The following ELL2 variants were observed in gnomAD, a reference collection of about 807,000 sequenced individuals.
ELL2 encodes the protein RNA polymerase II elongation factor ELL2.
Under a neutral mutation model 72.8 loss-of-function variants are expected in ELL2, and 21 were observed. The observed-to-expected ratio is 0.29, with a 90% CI of 0.20 to 0.42. The LOEUF (loss-of-function observed/expected upper bound fraction) is 0.42, where lower values mean the gene tolerates loss of function less well. Among genes scored for constraint, ELL2 ranks in the 10% least tolerant of loss-of-function variants. The pLI is 1.00. For synonymous variants in ELL2, 266 were observed against 283.2 expected (o/e 0.94, Z 0.61); for missense variants, 568 against 772.8 (o/e 0.73, Z 3.14).
intron 1 of ELL2, among the ~76,000 whole-genome samples, chr5:95,953,030 C>T (rs1026304942): frequency 1.3e-5 from 2 of 152,286 alleles, no homozygotes; most frequent in Non-Finnish European, 2.9e-5. Context: ...AAGAGATGAC[C>T]ACCGGATTTT....
At chr5:95,923,656 G>A (rs1037445996) in intron 2 of ELL2, among the ~76,000 whole-genome samples, 2 of 152,006 alleles carry the variant, frequency 1.3e-5, no homozygotes, top group African/African-American at 2.4e-5. Flanking sequence ...CATCAATGCA[G>A]ATGGTATGGT....
rs183476455 is a variant in ELL2 at position 95,933,462 on chromosome 5, A to G, written c.195+9540T>C. Among the ~76,000 whole-genome samples, 15 of 152,344 alleles carry G rather than the reference A, an allele frequency of 9.8e-5. No homozygotes were observed. In the East Asian group the frequency reaches 2.9e-3, roughly 29 times the overall value. On this transcript the variant is annotated intron_variant, in intron 2 of 11. Coordinates refer to ENST00000237853, the MANE Select transcript of ELL2 (RefSeq NM_012081.6). ...ATTTAAAAGCAACTTTTATTATTTA[A>G]TAACATAGGAAAATGCTCATGATAC...
chr5:95,931,212 T>A (rs929240545), intron 2 of ELL2, among the ~76,000 whole-genome samples: 1 of 151,948 alleles, frequency 6.6e-6, no homozygotes, highest in African/African-American at 2.4e-5. Flanking sequence ...CTTGGGCAAA[T>A]AACCTCAGTA....
At chr5:95,934,284 GC>G (rs146957500) in intron 2 of ELL2, among the ~76,000 whole-genome samples, 5,737 of 152,118 alleles carry the variant, frequency 0.038, 179 homozygotes, top group Admixed American at 0.075. Flanking sequence ...ATAAAGAACT[GC>G]CCTTTTCCTA....
At chr5:95,910,683 C>A (rs138708957) in intron 4 of ELL2, among the ~76,000 whole-genome samples, 135 of 152,232 alleles carry the variant, frequency 8.9e-4, no homozygotes, top group African/African-American at 2.9e-3. Flanking sequence ...GCCTTCCTCC[C>A]TAGTCTAGCT....
chr5:95,918,832 AT>A (rs1386835317), intron 3 of ELL2, among the ~76,000 whole-genome samples: 2 of 151,564 alleles, frequency 1.3e-5, no homozygotes, highest in Non-Finnish European at 2.9e-5. Flanking sequence ...TAAGCGTCCC[AT>A]GGTACCCTAG....
At position 95,919,480 on chromosome 5, in the gene ELL2, A is replaced by G. The variant is rs1324454157; in HGVS notation, c.261T>C (p.Asn87=). 1 of 1,595,384 alleles carries G rather than the reference A, an allele frequency of 6.3e-7. No homozygotes were observed. The highest frequency in any genetic ancestry group is 8.5e-7 in the Non-Finnish European group (1 of 1,173,950). The change falls in exon 3 of 12, where the codon AAT becomes AAC. Residue 87 remains asparagine, a synonymous_variant. Coordinates refer to ENST00000237853, the MANE Select transcript of ELL2 (RefSeq NM_012081.6). ...TGCCCTGAGGGTTGTCTTTGCCCAC[A>G]TTTGACAAATAAAAGTTAAAGTTAT... is the stretch of plus-strand genomic sequence containing the variant. ...EVHNFNFYLS[N]VGKDNPQGSF...
At position 95,898,745 on chromosome 5, in the gene ELL2, C is replaced by T. The variant is rs1287606464; in HGVS notation, c.1020G>A (p.Leu340=). 47 of 1,574,816 alleles carry T rather than the reference C, an allele frequency of 3.0e-5. No individual in the cohort carries two copies. Among genetic ancestry groups the T allele is most frequent in the African/African-American group, 4.1e-5 (3 of 73,070 alleles). Residue 340 remains leucine (L), a synonymous_variant, in exon 8 of 12, where the codon CTG becomes CTA. Transcript: ENST00000237853. ...TTAGTGTTGGTGGTACTCTGTTCGT[C>T]AGGTGAGATATTCGGGCTTTTTTAT... ...LMNKKARISH[L]TNRVPPTLNG...
intron 2 of ELL2, among the ~76,000 whole-genome samples, chr5:95,927,452 CACACACACGTGTGTATATAGACAT>C (rs1561504428): frequency 2.3e-4 from 5 of 22,064 alleles, no homozygotes; most frequent in Admixed American, 7.0e-4. Context: ...TATAGACATA[CACACACACGTGTGTATATAGACAT>C]ACACACACGT....
At chr5:95,930,175 C>T (rs1464129896) in intron 2 of ELL2, among the ~76,000 whole-genome samples, 2 of 152,148 alleles carry the variant, frequency 1.3e-5, no homozygotes, top group African/African-American at 2.4e-5. Flanking sequence ...AAAGCCCAAA[C>T]CTGAATTCTA....
intron 1 of ELL2, among the ~76,000 whole-genome samples, chr5:95,952,129 A>G (rs1205030211): frequency 2.6e-5 from 4 of 152,316 alleles, no homozygotes; most frequent in African/African-American, 9.6e-5. Context: ...AGCAACGAAA[A>G]AGAATGAGAT....
intron 1 of ELL2, among the ~76,000 whole-genome samples, chr5:95,957,985 A>G (rs942954759): frequency 6.6e-6 from 1 of 152,202 alleles, no homozygotes; most frequent in Non-Finnish European, 1.5e-5. Flanking sequence ...TGGACAAAAA[A>G]AGAATTCTCT....
At chr5:95,948,239 G>A (rs1175757880) in intron 1 of ELL2, among the ~76,000 whole-genome samples, 1 of 151,798 alleles carries the variant, frequency 6.6e-6, no homozygotes, top group Admixed American at 6.6e-5. Context: ...AGACCATCCT[G>A]GCTAACATGG....
rs1445184936 is a variant in ELL2, at chr5:95,888,252, G to A, written c.*619C>T. The A allele has an allele frequency of 1.3e-5, 2 of 152,598 alleles. No individual in the cohort carries two copies. The highest frequency in any genetic ancestry group is 2.9e-5 in the Non-Finnish European group (2 of 68,068). The allele number at this position is 152,598 out of a possible 1,614,324, so 9.5% of individuals were successfully genotyped here. A position where few individuals can be genotyped will look rare whatever the true frequency, so the allele number is the denominator to read the frequency against. ...CACCTTAAGGCAACCATTGCAATGG[G>A]GGGTTAACTTGCAGGGCGGATTTAA... On this transcript the variant is annotated 3_prime_UTR_variant, in exon 12 of 12. Coordinates refer to ENST00000237853, the MANE Select transcript of ELL2 (RefSeq NM_012081.6).
At chr5:95,938,503 T>C (rs62364434) in intron 2 of ELL2, among the ~76,000 whole-genome samples, 2,403 of 152,314 alleles carry the variant, frequency 0.016, 20 homozygotes, top group Non-Finnish European at 0.021. Flanking sequence ...TCAGGAGTAT[T>C]GCTTGAAGCC....
At chr5:95,951,363 C>T (rs563476616) in intron 1 of ELL2, among the ~76,000 whole-genome samples, 22 of 148,896 alleles carry the variant, frequency 1.5e-4, no homozygotes, top group Non-Finnish European at 2.8e-4. Context: ...AGCGAGACTC[C>T]GTCTCAAAAA....
Position 95,961,753 on chromosome 5 carries a change from C to T in ELL2, c.-32G>A, listed in dbSNP as rs1305746854. The T allele has an allele frequency of 3.8e-6, 6 of 1,570,986 alleles. No homozygotes were observed. The highest frequency in any genetic ancestry group is 1.4e-5 in the African/African-American group (1 of 72,572). On this transcript the variant is annotated 5_prime_UTR_variant, in exon 1 of 12. Coordinates refer to ENST00000237853, the MANE Select transcript of ELL2 (RefSeq NM_012081.6). ...CTCCCCGGGGTGCCGCCGCCGCCGCCGCTCCGGCTCTAGCCTCCACTGCGG... is the reference window on the plus strand; with the variant it reads ...CTCCCCGGGGTGCCGCCGCCGCCGCTGCTCCGGCTCTAGCCTCCACTGCGG...
intron 1 of ELL2, among the ~76,000 whole-genome samples, chr5:95,948,062 G>A (rs1751233588): frequency 6.6e-6 from 1 of 152,068 alleles, no homozygotes; most frequent in South Asian, 2.1e-4. Context: ...ATACTTAAAA[G>A]AACCTCAAAG....
chr5:95,944,083 C>T (rs1046329431), intron 1 of ELL2, among the ~76,000 whole-genome samples: 1 of 152,144 alleles, frequency 6.6e-6, no homozygotes, highest in Non-Finnish European at 1.5e-5. Flanking sequence ...AATATAGAGG[C>T]ACTAATATGT....
Sources: gnomAD v4.1 joint callset for allele counts (sites outside exome capture counted in the v4.1 genomes callset) on GRCh38, gnomAD v4.1.1 for gene constraint, MANE v1.5 for transcripts, NCBI Gene and HGNC (gene_info 2026-07-23, HGNC 2026-07-21) for gene names.